ALOX5: variants seen among roughly 807,000 people sequenced by gnomAD.
The protein encoded by ALOX5 is polyunsaturated fatty acid 5-lipoxygenase.
ALOX5 carries 64 observed loss-of-function variants against 87.9 expected under a neutral mutation model. The ratio of observed to expected loss-of-function variants is 0.73; its 90% CI spans 0.60 to 0.90. The LOEUF (loss-of-function observed/expected upper bound fraction) is 0.90, where lower values mean the gene tolerates loss of function less well. Among genes scored for constraint, ALOX5 ranks in the 40% least tolerant of loss-of-function variants. The pLI is 0.00. For synonymous variants in ALOX5, 388 were observed against 355.1 expected, an observed-to-expected ratio of 1.09 and a Z score of -1.04; for missense variants, 822 against 907.5, an observed-to-expected ratio of 0.91 and a Z score of 1.21.
intron 4 of ALOX5, among the ~76,000 whole-genome samples, chr10:45,421,713 A>G (rs1216801931): frequency 6.6e-6 from 1 of 152,180 alleles, no homozygotes; most frequent in Admixed American, 6.5e-5. Context: ...ACCTGTGTAA[A>G]AGCCCCTCCT....
intron 2 of ALOX5, 76 bp downstream of exon 2, chr10:45,382,757 C>A: frequency 6.6e-7 from 1 of 1,510,750 alleles, no homozygotes; most frequent in South Asian, 1.2e-5. Flanking sequence ...GCACTGTAGT[C>A]ATAGGAGGAA....
chr10:45,431,181 G>C (rs999293222), intron 7 of ALOX5, among the ~76,000 whole-genome samples: 1 of 152,040 alleles, frequency 6.6e-6, no homozygotes, highest in Non-Finnish European at 1.5e-5. Flanking sequence ...AAAATTAATA[G>C]GAGGAACCTT....
chr10:45,421,932 C>T (rs1175987523), intron 4 of ALOX5, among the ~76,000 whole-genome samples: 1 of 152,218 alleles, frequency 6.6e-6, no homozygotes, highest in Non-Finnish European at 1.5e-5. Flanking sequence ...TTCATCCTGA[C>T]ACATGAGGAG....
chr10:45,392,884 C>T (rs552169061), intron 2 of ALOX5, among the ~76,000 whole-genome samples: 2 of 152,094 alleles, frequency 1.3e-5, no homozygotes, highest in South Asian at 2.1e-4. Flanking sequence ...ACACATACAC[C>T]CTCCCAAGAC....
chr10:45,439,272 C>T (rs1842149287), intron 7 of ALOX5, among the ~76,000 whole-genome samples: 2 of 152,118 alleles, frequency 1.3e-5, no homozygotes, highest in South Asian at 4.1e-4. Flanking sequence ...GGGAGAGACG[C>T]CCAAGGACCC....
At position 45,425,010 on chromosome 10, in the gene ALOX5, C is replaced by G. The variant is rs768946695; in HGVS notation, c.712C>G (p.Leu238Val). 9 of 1,614,250 alleles carry G rather than the reference C, an allele frequency of 5.6e-6. No individual in the cohort carries two copies. The highest frequency in any genetic ancestry group is 1.7e-5 in the Admixed American group (1 of 60,028). The change falls in exon 6 of 14, where the codon CTG becomes GTG. Residue 238 changes from leucine to valine, a missense_variant. Transcript: ENST00000374391. This position sits in a 1 kb window ranked among gnomAD's most constrained non-coding sequence, Gnocchi z 4.4. ...AGACCTGATGTTTGGCTACCAGTTC[C>G]TGAATGGCTGCAACCCTGTGTTGAT... ...QEDLMFGYQF[L>V]NGCNPVLIRR... is the part of the protein sequence containing the mutation.
intron 2 of ALOX5, 102 bp from the exon 3 acceptor site, chr10:45,395,753 C>T: frequency 3.2e-6 from 3 of 943,136 alleles, no homozygotes; most frequent in Non-Finnish European, 5.1e-6. Flanking sequence ...GCACATAAAG[C>T]ACTCGGCATG....
intron 4 of ALOX5, among the ~76,000 whole-genome samples, chr10:45,416,638 TGGAGG>T (rs1841296414): frequency 1.3e-5 from 2 of 151,976 alleles, no homozygotes; most frequent in African/African-American, 2.4e-5. Flanking sequence ...TTGGAGGGAA[TGGAGG>T]AATACTGGAC....
chr10:45,433,374 C>T (rs1487562), intron 7 of ALOX5, among the ~76,000 whole-genome samples: 30,708 of 152,152 alleles, frequency 0.2, 3,357 homozygotes, highest in African/African-American at 0.25. Context: ...TTGAGGCTGT[C>T]GTGGCGAGGA....
intron 3 of ALOX5, among the ~76,000 whole-genome samples, chr10:45,411,390 A>G (rs1841059511): frequency 6.6e-6 from 1 of 152,172 alleles, no homozygotes; most frequent in Admixed American, 6.5e-5. Context: ...CCCAGCCCCT[A>G]TTCAAGATGG....
chr10:45,391,314 C>T (rs563385031), intron 2 of ALOX5, among the ~76,000 whole-genome samples: 1 of 152,314 alleles, frequency 6.6e-6, no homozygotes, highest in South Asian at 2.1e-4. Context: ...AGGCTGGTCT[C>T]CAGCTCCTAA....
intron 3 of ALOX5, among the ~76,000 whole-genome samples, chr10:45,403,686 A>G (rs1480963852): frequency 6.6e-6 from 1 of 152,198 alleles, no homozygotes; most frequent in African/African-American, 2.4e-5. Context: ...TGGGAGAGTA[A>G]CCTGCTGTGC....
chr10:45,431,460 T>C (rs12762375), intron 7 of ALOX5, among the ~76,000 whole-genome samples: 1,749 of 152,166 alleles, frequency 0.011, 19 homozygotes, highest in Non-Finnish European at 0.014. Flanking sequence ...TGGCAAAGTG[T>C]TTAGATAAAT....
intron 4 of ALOX5, among the ~76,000 whole-genome samples, chr10:45,418,186 C>G (rs1841363798): frequency 6.6e-6 from 1 of 152,118 alleles, no homozygotes. Flanking sequence ...GAAGAGGTGT[C>G]CCTGTATTTG....
intron 2 of ALOX5, among the ~76,000 whole-genome samples, chr10:45,392,677 C>T (rs1434009784): frequency 6.6e-6 from 1 of 151,188 alleles, no homozygotes; most frequent in East Asian, 1.9e-4. Context: ...AAATCCCCCT[C>T]TGCGAGAAAC....
chr10:45,440,797 C>T (rs566784282), intron 8 of ALOX5, among the ~76,000 whole-genome samples, 164 bp downstream of exon 8: 35 of 152,318 alleles, frequency 2.3e-4, no homozygotes, highest in South Asian at 6.2e-4. Context: ...AGGAAGAAAA[C>T]AGCTAGGAGC....
intron 6 of ALOX5, among the ~76,000 whole-genome samples, chr10:45,427,893 G>A (rs1242032847): frequency 5.9e-5 from 9 of 152,152 alleles, no homozygotes; most frequent in Non-Finnish European, 8.8e-5. Context: ...GGGTCAGCAA[G>A]CCCGACGAAT....
At chr10:45,430,664 T>C (rs1352098831) in intron 7 of ALOX5, among the ~76,000 whole-genome samples, 1 of 152,004 alleles carries the variant, frequency 6.6e-6, no homozygotes, top group East Asian at 1.9e-4. Context: ...TATGATTACA[T>C]ATTTTTTAAA....
At position 45,443,070 on chromosome 10, in the gene ALOX5, G is replaced by T; in HGVS notation, c.1305G>T (p.Gln435His). 1 of 1,613,574 alleles carries T rather than the reference G, an allele frequency of 6.2e-7. No homozygotes were observed. Among genetic ancestry groups the T allele is most frequent in the Non-Finnish European group, 8.5e-7 (1 of 1,179,918 alleles). Residue 435 changes from glutamine to histidine, a missense_variant, in exon 10 of 14, where the codon CAG becomes CAT. Transcript: ENST00000374391. Reference sequence around the variant, plus strand: ...CCACAGGGGGCGGTGGGCACGTGCAGATGGTGCAGAGGGCCATGAAGGACC... The same window carrying T: ...CCACAGGGGGCGGTGGGCACGTGCATATGGTGCAGAGGGCCATGAAGGACC... Reference protein sequence around the residue: ...ANATGGGGHVQMVQRAMKDLT... With the variant: ...ANATGGGGHVHMVQRAMKDLT...
Sources: gnomAD v4.1 joint callset for allele counts (sites outside exome capture counted in the v4.1 genomes callset) on GRCh38, gnomAD v4.1.1 for gene constraint, Gnocchi (gnomAD v3.1) non-coding constraint, MANE v1.5 for transcripts, NCBI Gene and HGNC (gene_info 2026-07-23, HGNC 2026-07-21) for gene names.